SEMA4B: variants seen among roughly 807,000 people sequenced by gnomAD.
The protein encoded by SEMA4B is semaphorin-4B.
A neutral mutation model predicts 88.1 loss-of-function variants in SEMA4B; 55 were observed. That is an observed-to-expected ratio of 0.62 (90% CI 0.50 to 0.78). The LOEUF is 0.78. Among genes scored for constraint, SEMA4B ranks in the 30% least tolerant of loss-of-function variants. SEMA4B has a pLI of 0.00. For missense variants in SEMA4B, 1,062 were observed against 1,111.9 expected (o/e 0.96, Z 0.64); for synonymous variants, 525 against 473.6 (o/e 1.11, Z -1.41).
rs755345484 is a variant in SEMA4B at position 90,223,633 on chromosome 15, G to A, written c.936G>A (p.Arg312=). Residue 312 remains arginine, a synonymous_variant, in exon 8 of 14, where the codon CGG becomes CGA. Coordinates refer to ENST00000411539, the MANE Select transcript of SEMA4B (RefSeq NM_198925.4). Reference sequence around the variant, plus strand: ...TCAAGGCCCAGCTGCTGTGCTCACGGCCCGACGATGGCTTCCCCTTCAACG... The same window carrying A: ...TCAAGGCCCAGCTGCTGTGCTCACGACCCGACGATGGCTTCCCCTTCAACG... ...SFLKAQLLCS[R]PDDGFPFNVL... 1 of 1,613,564 alleles carries A rather than the reference G, an allele frequency of 6.2e-7. No homozygotes were observed. The highest frequency in any genetic ancestry group is 1.7e-5 in the Admixed American group (1 of 60,006).
chr15:90,208,636 G>T lies in SEMA4B; in HGVS notation c.157+6901G>T, dbSNP rs188682763. ...GCACAGTGGGTCAGTGATCAAGTGA[G>T]GATTCACACACATGTCTTGTGCCCC... On this transcript the variant is annotated intron_variant, in intron 1 of 13. Transcript: ENST00000411539. Among the ~76,000 whole-genome samples, 572 of 152,296 alleles carry T rather than the reference G, an allele frequency of 3.8e-3. 21 individuals carry two copies. The highest frequency in any genetic ancestry group is 0.033 in the Admixed American group (498 of 15,306).
chr15:90,225,662 G>T lies in SEMA4B; in HGVS notation c.1523G>T (p.Gly508Val). The change falls in exon 12 of 14, where the codon GGG becomes GTG. Residue 508 changes from glycine to valine, a missense_variant and splice_region_variant. Transcript: ENST00000411539. ...TCATCCCCGTGTCTGGCTGTGCAGG[G>T]GCTGCTGTATGCGGCCTCACACTCG... is the stretch of plus-strand genomic sequence containing the variant. ...VQNLLLDTHR[G>V]LLYAASHSGV... 1 of 1,563,188 alleles carries T rather than the reference G, an allele frequency of 6.4e-7. No homozygotes were observed. The highest frequency in any genetic ancestry group is 2.4e-5 in the East Asian group (1 of 41,748).
At chr15:90,210,499 G>C (rs1961212674) in intron 1 of SEMA4B, among the ~76,000 whole-genome samples, 1 of 152,188 alleles carries the variant, frequency 6.6e-6, no homozygotes, top group African/African-American at 2.4e-5. Context: ...CAACACAGAT[G>C]CTGCAGCCAG....
At chr15:90,198,174 C>T (rs1368299617), upstream of SEMA4B, among the ~76,000 whole-genome samples, 1 of 151,980 alleles carries the variant, frequency 6.6e-6, no homozygotes, top group Non-Finnish European at 1.5e-5. Context: ...GCCTCGGCCT[C>T]CTAAAGTGCT....
intron 1 of SEMA4B, among the ~76,000 whole-genome samples, chr15:90,206,339 G>C (rs1020189521): frequency 6.6e-6 from 1 of 152,134 alleles, no homozygotes; most frequent in African/African-American, 2.4e-5. Flanking sequence ...TTAGCTTTTT[G>C]GGAAGTCTGC....
chr15:90,214,738 G>C (rs1298874614), intron 1 of SEMA4B, among the ~76,000 whole-genome samples: 4 of 149,610 alleles, frequency 2.7e-5, no homozygotes, highest in African/African-American at 9.9e-5. Context: ...ATTTTTCTTT[G>C]GCCACCAGGA....
At chr15:90,221,583 T>TGACTCTGAGCTCCTGACCTGGTCC (rs1454303315) in intron 6 of SEMA4B, 31 bp from the exon 7 acceptor site, 1 of 1,612,666 alleles carries the variant, frequency 6.2e-7, no homozygotes, top group African/African-American at 1.3e-5. Context: ...GTTCCTGGGC[T>TGACTCTGAGCTCCTGACCTGGTCC]GACTCTGAGC....
intron 1 of SEMA4B, among the ~76,000 whole-genome samples, chr15:90,189,805 G>A (rs1402883177): frequency 6.6e-6 from 1 of 152,170 alleles, no homozygotes; most frequent in Non-Finnish European, 1.5e-5. Context: ...CTCCTGAAAT[G>A]GCATCTCATT....
intron 1 of SEMA4B, among the ~76,000 whole-genome samples, chr15:90,216,044 A>C (rs374505666): frequency 2.7e-5 from 4 of 150,390 alleles, no homozygotes; most frequent in East Asian, 2.0e-4. Context: ...GCTGGAGTGC[A>C]ATGGTGTGAT....
chr15:90,191,182 C>T (rs1040676313), intron 1 of SEMA4B, among the ~76,000 whole-genome samples: 9 of 152,228 alleles, frequency 5.9e-5, no homozygotes, highest in Non-Finnish European at 1.3e-4. Flanking sequence ...GAGTGGCCAG[C>T]TCAGGCCCCA....
At chr15:90,193,759 A>G (rs1960415383) in intron 1 of SEMA4B, among the ~76,000 whole-genome samples, 1 of 152,090 alleles carries the variant, frequency 6.6e-6, no homozygotes, top group Admixed American at 6.6e-5. Context: ...GTTCTAGGTG[A>G]GTGCAGTAGG....
chr15:90,226,803 G>A (rs1479483852), intron 12 of SEMA4B, among the ~76,000 whole-genome samples: 1 of 152,076 alleles, frequency 6.6e-6, no homozygotes, highest in African/African-American at 2.4e-5. Context: ...ATCACTGGCT[G>A]GTAGATGCTG....
In SEMA4B at chr15:90,225,176, C is replaced by T. The variant is rs1382149282; in HGVS notation, c.1403C>T (p.Thr468Ile). 1.3e-6 allele frequency: 2 copies of T among 1,596,404 alleles called. No homozygotes were observed. Among genetic ancestry groups the T allele is most frequent in the Non-Finnish European group, 1.7e-6 (2 of 1,171,380 alleles). The change falls in exon 10 of 14, where the codon ACT becomes ATT. Residue 468 changes from threonine to isoleucine, a missense_variant and splice_region_variant. Coordinates refer to ENST00000411539, the MANE Select transcript of SEMA4B (RefSeq NM_198925.4). ...HHTYDVLFLGTGDGRLHKAVS... is the reference protein window; with the variant it reads ...HHTYDVLFLGIGDGRLHKAVS... ...ACCTACGATGTCCTCTTCCTGGGCA[C>T]TGGTAAGTGTCTGCAGCCCAGCAGG...
intron 1 of SEMA4B, chr15:90,214,856 G>C (rs2151610951): frequency 2.0e-6 from 1 of 491,152 alleles, no homozygotes; most frequent in African/African-American, 2.1e-5. Flanking sequence ...CTTCAGATTT[G>C]GGTTTTCTCT....
chr15:90,221,561 C>T lies in SEMA4B; in HGVS notation c.710-53C>T, dbSNP rs146216793. The T allele has an allele frequency of 4.1e-4, 656 of 1,609,134 alleles. 5 individuals are homozygous for T. The African/African-American group carries it at 7.9e-3, about 19-fold the overall frequency. On this transcript the variant is annotated intron_variant, in intron 6 of 13. Transcript: ENST00000411539. ...AAGGGGGCACTTTCCCCCAGCTTGG[C>T]CTGTCTCCAGGGTTCCTGGGCTGAC...
chr15:90,195,293 T>C (rs1353108580), intron 1 of SEMA4B, among the ~76,000 whole-genome samples: 1 of 152,122 alleles, frequency 6.6e-6, no homozygotes, highest in East Asian at 1.9e-4. Flanking sequence ...AGTTTCACCC[T>C]GTTGCCCAGG....
At chr15:90,185,254 G>A (rs768257691) in intron 1 of SEMA4B, among the ~76,000 whole-genome samples, 67 of 152,346 alleles carry the variant, frequency 4.4e-4, no homozygotes, top group Non-Finnish European at 9.3e-4. Context: ...CCCGCCGCCC[G>A]GGGAGCCTGT....
rs543359785 is a variant in SEMA4B at position 90,216,398 on chromosome 15, A to G, written c.158-1041A>G. ...CATATTCTGTCACCGTACTGTATTC[A>G]CTTCCTTTATTGGTTACCTTTGCAA... On this transcript the variant is annotated intron_variant, in intron 1 of 13. Coordinates refer to ENST00000411539, the MANE Select transcript of SEMA4B (RefSeq NM_198925.4). Among the ~76,000 whole-genome samples, 7 of 152,104 alleles carry G rather than the reference A, an allele frequency of 4.6e-5. No homozygotes were observed. In the East Asian group the frequency reaches 9.7e-4, roughly 21 times the overall value.
chr15:90,201,284 CG>C (rs1960702057), upstream of SEMA4B: 9 of 1,109,958 alleles, frequency 8.1e-6, no homozygotes, highest in Non-Finnish European at 9.9e-6. Context: ...GGGGGCGGGC[CG>C]GCCGGGCTCA....
Sources: gnomAD v4.1 joint callset for allele counts (sites outside exome capture counted in the v4.1 genomes callset) on GRCh38, gnomAD v4.1.1 for gene constraint, MANE v1.5 for transcripts, NCBI Gene and HGNC (gene_info 2026-07-23, HGNC 2026-07-21) for gene names.